The following TRPS1 variants were observed in gnomAD, a reference collection of about 807,000 sequenced individuals.
TRPS1 encodes the protein zinc finger transcription factor Trps1.
Under a neutral mutation model 101.2 loss-of-function variants are expected in TRPS1, and 6 were observed. That is an observed-to-expected ratio of 0.06 (90% CI 0.03 to 0.12). The LOEUF (loss-of-function observed/expected upper bound fraction) is 0.12. TRPS1 is among the 10% of genes least tolerant of loss of function. The probability of loss-of-function intolerance (pLI) is 1.00; values close to 1 mark genes in which losing one functional copy is unlikely to be tolerated. For synonymous variants in TRPS1, 578 were observed against 589.8 expected, an observed-to-expected ratio of 0.98 and a Z score of 0.29; for missense variants, 1,363 against 1,567.0, an observed-to-expected ratio of 0.87 and a Z score of 2.20.
At chr8:115,582,489 T>C (rs764326864) in intron 5 of TRPS1, among the ~76,000 whole-genome samples, 1 of 152,188 alleles carries the variant, frequency 6.6e-6, no homozygotes, top group Non-Finnish European at 1.5e-5. Context: ...ACTTACAAAA[T>C]GAACAAATAA....
At chr8:115,422,177 C>A (rs1326768667) in intron 5 of TRPS1, among the ~76,000 whole-genome samples, 1 of 151,910 alleles carries the variant, frequency 6.6e-6, no homozygotes, top group Non-Finnish European at 1.5e-5. Flanking sequence ...TGAAAATAAT[C>A]CTGCCTGCTA....
intron 5 of TRPS1, among the ~76,000 whole-genome samples, chr8:115,535,564 T>A (rs944012017): frequency 1.0e-4 from 15 of 149,688 alleles, no homozygotes; most frequent in Admixed American, 3.4e-4. Context: ...TATATATATA[T>A]AATTAGTATT....
At position 115,603,853 on chromosome 8, in the gene TRPS1, C is replaced by T. The variant is rs766075738; in HGVS notation, c.2096+20G>A. 1.9e-6 allele frequency: 3 copies of T among 1,613,670 alleles called. No individual in the cohort carries two copies. In the East Asian group the frequency reaches 6.7e-5, roughly 36 times the overall value. On this transcript the variant is annotated intron_variant, in intron 4 of 6. Coordinates refer to ENST00000395715, the MANE Select transcript of TRPS1 (RefSeq NM_014112.5). ...TATTTTATTTGTATATTCCTCCCGA[C>T]CCCACCCCCCATGCCTCACCTGTAG...
chr8:115,429,912 T>C (rs1360158812), intron 5 of TRPS1, among the ~76,000 whole-genome samples: 1 of 152,150 alleles, frequency 6.6e-6, no homozygotes, highest in East Asian at 1.9e-4. Flanking sequence ...TAAAGAAATG[T>C]CATTTCTCCC....
intron 5 of TRPS1, among the ~76,000 whole-genome samples, chr8:115,541,238 T>C (rs1476134596): frequency 6.6e-6 from 1 of 152,258 alleles, no homozygotes; most frequent in East Asian, 1.9e-4. Flanking sequence ...ACCAAGAAGG[T>C]CCAGAGAGAA....
chr8:115,410,994 A>C lies in TRPS1; in HGVS notation c.*3029T>G. 6.6e-6 allele frequency: 1 copy of C among 151,802 alleles called. No homozygotes were observed. Among genetic ancestry groups the C allele is most frequent in the East Asian group, 1.9e-4 (1 of 5,184 alleles). The allele number at this position is 151,802 out of a possible 1,614,324, so 9.4% of individuals were successfully genotyped here. On this transcript the variant is annotated 3_prime_UTR_variant, in exon 7 of 7. Coordinates refer to ENST00000395715, the MANE Select transcript of TRPS1 (RefSeq NM_014112.5). ...ATTAAAAAAATAAATTTTATAATAT[A>C]TCTTGAGAGATGGAATAAAGGCTTT... is the stretch of plus-strand genomic sequence containing the variant.
intron 5 of TRPS1, among the ~76,000 whole-genome samples, chr8:115,577,566 C>T (rs919325502): frequency 4.1e-4 from 62 of 152,086 alleles, no homozygotes; most frequent in African/African-American, 1.4e-3. Flanking sequence ...GATAAATACT[C>T]AAGGTAATGG....
chr8:115,418,530 T>C lies in TRPS1; in HGVS notation c.2701-78A>G. 6.2e-7 allele frequency: 1 copy of C among 1,605,454 alleles called. No individual in the cohort carries two copies. Among genetic ancestry groups the C allele is most frequent in the Non-Finnish European group, 8.5e-7 (1 of 1,173,038 alleles). ...GTTAGACCAAATCAACCCAGGAGTT[T>C]TGTCTTTAAACTAGCAACAATGACA... is the stretch of plus-strand genomic sequence containing the variant. On this transcript the variant is annotated intron_variant, in intron 5 of 6. Coordinates refer to ENST00000395715, the MANE Select transcript of TRPS1 (RefSeq NM_014112.5). The surrounding 1 kb of genome is among the most constrained non-coding windows in gnomAD (Gnocchi z 4.3).
At chr8:115,460,818 C>T (rs1209361852) in intron 5 of TRPS1, among the ~76,000 whole-genome samples, 1 of 152,164 alleles carries the variant, frequency 6.6e-6, no homozygotes, top group Non-Finnish European at 1.5e-5. Context: ...CAACAGCCAA[C>T]CATGTATTGA....
At chr8:115,510,356 A>G (rs1212131161) in intron 5 of TRPS1, among the ~76,000 whole-genome samples, 1 of 151,988 alleles carries the variant, frequency 6.6e-6, no homozygotes, top group Non-Finnish European at 1.5e-5. Context: ...AAGAGTTCTT[A>G]AAATTGTGCA....
intron 5 of TRPS1, among the ~76,000 whole-genome samples, chr8:115,513,525 A>T (rs1480033634): frequency 6.6e-6 from 1 of 151,654 alleles, no homozygotes; most frequent in Non-Finnish European, 1.5e-5. Context: ...TACTTAACAG[A>T]GCAAGGGTTA....
intron 4 of TRPS1, among the ~76,000 whole-genome samples, chr8:115,593,880 AATCACAG>A (rs1215291612): frequency 2.0e-5 from 3 of 152,116 alleles, no homozygotes; most frequent in Non-Finnish European, 4.4e-5. Context: ...CAATTTTTTT[AATCACAG>A]ATGGTATGTG....
chr8:115,663,047 G>A (rs970281608), intron 1 of TRPS1, among the ~76,000 whole-genome samples: 4 of 151,774 alleles, frequency 2.6e-5, no homozygotes, highest in African/African-American at 4.8e-5. Context: ...ATAATGCAAC[G>A]CAAATACCCA....
intron 1 of TRPS1, among the ~76,000 whole-genome samples, chr8:115,647,988 C>T (rs918784905): frequency 2.0e-5 from 3 of 151,984 alleles, no homozygotes; most frequent in African/African-American, 7.3e-5. Flanking sequence ...AATCTCATGC[C>T]TCTTACAGTT....
intron 5 of TRPS1, among the ~76,000 whole-genome samples, chr8:115,427,441 T>C (rs1047253064): frequency 8.5e-5 from 13 of 152,192 alleles, no homozygotes; most frequent in African/African-American, 2.9e-4. Context: ...TCTGATATCC[T>C]CAGAATGATC....
chr8:115,596,691 T>C (rs1327618783), intron 4 of TRPS1, among the ~76,000 whole-genome samples: 1 of 151,878 alleles, frequency 6.6e-6, no homozygotes, highest in Non-Finnish European at 1.5e-5. Flanking sequence ...CATACATATA[T>C]ACATATATCT....
rs1813794553 is a variant in TRPS1, at chr8:115,448,601, G to A, written c.2701-30149C>T. Among the ~76,000 whole-genome samples the A allele has an allele frequency of 2.0e-5, 3 of 152,220 alleles. No individual in the cohort carries two copies. In the South Asian group the frequency reaches 6.2e-4, roughly 32 times the overall value. On this transcript the variant is annotated intron_variant, in intron 5 of 6. Coordinates refer to ENST00000395715, the MANE Select transcript of TRPS1 (RefSeq NM_014112.5). ...TCCTCAAATAGGTGTCTCTAATTCC[G>A]AGATAGACAATGCACTTGAAATGCA...
At chr8:115,654,360 T>C (rs1190693971) in intron 1 of TRPS1, among the ~76,000 whole-genome samples, 1 of 152,162 alleles carries the variant, frequency 6.6e-6, no homozygotes, top group Non-Finnish European at 1.5e-5. Context: ...TAAATGAGGT[T>C]CTTTTATTTT....
chr8:115,631,133 A>T (rs2130561523), intron 1 of TRPS1, among the ~76,000 whole-genome samples: 1 of 152,192 alleles, frequency 6.6e-6, no homozygotes, highest in Admixed American at 6.6e-5. Context: ...ATTCACTTCT[A>T]CAAAGCCCTC....
Sources: gnomAD v4.1 joint callset for allele counts (sites outside exome capture counted in the v4.1 genomes callset) on GRCh38, gnomAD v4.1.1 for gene constraint, Gnocchi (gnomAD v3.1) non-coding constraint, MANE v1.5 for transcripts, NCBI Gene and HGNC (gene_info 2026-07-23, HGNC 2026-07-21) for gene names.